ACOT7: variants seen among roughly 807,000 people sequenced by gnomAD.
ACOT7 encodes the protein acyl-CoA thioesterase 7.
A neutral mutation model predicts 40.2 loss-of-function variants in ACOT7; 12 were observed. That is an observed-to-expected ratio of 0.30 (90% CI 0.19 to 0.48). The LOEUF (loss-of-function observed/expected upper bound fraction) is 0.48, where lower values mean the gene tolerates loss of function less well. Ranked by LOEUF, ACOT7 falls within the 20% of genes least tolerant of loss-of-function variation. ACOT7 has a pLI of 0.99. For missense variants in ACOT7, 395 were observed against 530.8 expected, an observed-to-expected ratio of 0.74 and a Z score of 2.51; for synonymous variants, 228 against 219.5, an observed-to-expected ratio of 1.04 and a Z score of -0.34.
intron 1 of ACOT7, among the ~76,000 whole-genome samples, chr1:6,351,062 T>C (rs1641577569): frequency 2.0e-5 from 3 of 152,194 alleles, no homozygotes; most frequent in African/African-American, 7.2e-5. Context: ...TTTTGGTAAG[T>C]ATTTAGCCAA....
Position 6,311,905 on chromosome 1 carries a change from G to A in ACOT7, c.712+6587C>T, listed in dbSNP as rs1276067888. Among the ~76,000 whole-genome samples, 1 of 152,136 alleles carries A rather than the reference G, an allele frequency of 6.6e-6. No homozygotes were observed. The highest frequency in any genetic ancestry group is 1.5e-5 in the Non-Finnish European group (1 of 68,032). On this transcript the variant is annotated intron_variant, in intron 6 of 8. Coordinates refer to ENST00000361521, the MANE Select transcript of ACOT7 (RefSeq NM_007274.4). This position sits in a 1 kb window ranked among gnomAD's most constrained non-coding sequence, Gnocchi z 5.2. ...GGACACCCCTCACCCCGACTCCCAG[G>A]GTCTGGGTCACCTGTCGGGTGGGGT...
At chr1:6,344,609 C>A (rs1370786223) in intron 2 of ACOT7, among the ~76,000 whole-genome samples, 1 of 151,798 alleles carries the variant, frequency 6.6e-6, no homozygotes, top group East Asian at 1.9e-4. Flanking sequence ...ACTAAAAATA[C>A]AAAAACTAGC....
At chr1:6,285,131 G>T (rs1639466291) in intron 7 of ACOT7, among the ~76,000 whole-genome samples, 1 of 152,202 alleles carries the variant, frequency 6.6e-6, no homozygotes, top group Admixed American at 6.5e-5. Flanking sequence ...CCCAAAGCAG[G>T]TATCCAGTTG....
At chr1:6,323,737 A>T (rs375486877) in intron 5 of ACOT7, among the ~76,000 whole-genome samples, 2,815 of 36,972 alleles carry the variant, frequency 0.076, 85 homozygotes, top group Admixed American at 0.11. Context: ...AAAAAAAAAA[A>T]ATATATATAT....
chr1:6,330,773 A>T lies in ACOT7; in HGVS notation c.510+2704T>A, dbSNP rs1640933341. ...CCAAAAACCCAACAGCTCTTGGCGC[A>T]TCGATCCTAAGCGACAAGGCAGCAA... On this transcript the variant is annotated intron_variant, in intron 4 of 8. Coordinates refer to ENST00000361521, the MANE Select transcript of ACOT7 (RefSeq NM_007274.4). The surrounding 1 kb of genome is among the most constrained non-coding windows in gnomAD (Gnocchi z 4.6). 6.6e-6 allele frequency among the ~76,000 whole-genome samples: 1 copy of T among 152,172 alleles called. No homozygotes were observed. Among genetic ancestry groups the T allele is most frequent in the Non-Finnish European group, 1.5e-5 (1 of 68,026 alleles).
chr1:6,389,957 G>A (rs1367319821), intron 1 of ACOT7, among the ~76,000 whole-genome samples: 1 of 152,124 alleles, frequency 6.6e-6, no homozygotes, highest in East Asian at 1.9e-4. Context: ...TATGCTTCTT[G>A]GCAGTGTCCA....
At chr1:6,349,498 TGGAG>T (rs1641526775) in intron 2 of ACOT7, among the ~76,000 whole-genome samples, 1 of 152,138 alleles carries the variant, frequency 6.6e-6, no homozygotes, top group Admixed American at 6.5e-5. Context: ...CGGGGAGTGG[TGGAG>T]GGAGGGCCTG....
chr1:6,305,878 C>T (rs1490302885), intron 6 of ACOT7, among the ~76,000 whole-genome samples: 1 of 152,176 alleles, frequency 6.6e-6, no homozygotes, highest in African/African-American at 2.4e-5. Context: ...GATCACGCCA[C>T]TGCACTCCAG....
At chr1:6,310,966 G>C (rs1640314897) in intron 6 of ACOT7, among the ~76,000 whole-genome samples, 1 of 152,154 alleles carries the variant, frequency 6.6e-6, no homozygotes, top group Non-Finnish European at 1.5e-5. Context: ...TTGAACTCCT[G>C]ACCTCAAGTT....
At chr1:6,266,618 A>G (rs772721909) in intron 8 of ACOT7, among the ~76,000 whole-genome samples, 1 of 152,254 alleles carries the variant, frequency 6.6e-6, no homozygotes, top group Non-Finnish European at 1.5e-5. Flanking sequence ...GCACATCTGA[A>G]GTGGCCAAGA....
chr1:6,272,731 G>A (rs966438212), intron 8 of ACOT7, among the ~76,000 whole-genome samples: 8 of 152,196 alleles, frequency 5.3e-5, no homozygotes, highest in Non-Finnish European at 8.8e-5. Flanking sequence ...GCATGAACTC[G>A]CCCTGCTGAA....
At chr1:6,331,806 C>G (rs991228778) in intron 4 of ACOT7, among the ~76,000 whole-genome samples, 4 of 152,172 alleles carry the variant, frequency 2.6e-5, no homozygotes, top group Non-Finnish European at 5.9e-5. Flanking sequence ...CCACACCCAC[C>G]TGGGGAGACA....
At chr1:6,309,166 G>C (rs1640262029) in intron 6 of ACOT7, among the ~76,000 whole-genome samples, 2 of 152,212 alleles carry the variant, frequency 1.3e-5, no homozygotes, top group Non-Finnish European at 2.9e-5. Context: ...CCAGTTAAGG[G>C]GCTCAGTCAT....
intron 2 of ACOT7, among the ~76,000 whole-genome samples, chr1:6,340,404 A>T (rs761499919): frequency 6.6e-6 from 1 of 152,220 alleles, no homozygotes; most frequent in African/African-American, 2.4e-5. Flanking sequence ...ATTTTCTCAC[A>T]ATAGGCATGC....
intron 8 of ACOT7, among the ~76,000 whole-genome samples, chr1:6,267,515 C>G (rs1571252623): frequency 6.6e-6 from 1 of 152,242 alleles, no homozygotes. Flanking sequence ...TCTGGGCTCC[C>G]TCCCCAACTC....
intron 8 of ACOT7, among the ~76,000 whole-genome samples, chr1:6,279,001 G>A (rs1293250692): frequency 6.6e-6 from 1 of 152,226 alleles, no homozygotes; most frequent in Non-Finnish European, 1.5e-5. Context: ...TGGGTCAGGT[G>A]GGGGATTCAG....
chr1:6,331,493 C>T (rs1640954473), intron 4 of ACOT7, among the ~76,000 whole-genome samples: 2 of 152,234 alleles, frequency 1.3e-5, no homozygotes, highest in Non-Finnish European at 2.9e-5. Flanking sequence ...TACCTTTGCA[C>T]TTCTGGCCTC....
intron 5 of ACOT7, among the ~76,000 whole-genome samples, chr1:6,320,027 A>G (rs1313957624): frequency 6.6e-6 from 1 of 152,160 alleles, no homozygotes; most frequent in Non-Finnish European, 1.5e-5. Context: ...GCAAGAGAGG[A>G]TAGGGGAGGA....
intron 5 of ACOT7, among the ~76,000 whole-genome samples, chr1:6,319,949 G>T (rs1053889685): frequency 6.6e-6 from 1 of 152,174 alleles, no homozygotes; most frequent in Non-Finnish European, 1.5e-5. Context: ...TGATGTCTCT[G>T]GCCCTCTGGC....
Sources: gnomAD v4.1 joint callset for allele counts (sites outside exome capture counted in the v4.1 genomes callset) on GRCh38, gnomAD v4.1.1 for gene constraint, Gnocchi (gnomAD v3.1) non-coding constraint, MANE v1.5 for transcripts, NCBI Gene and HGNC (gene_info 2026-07-23, HGNC 2026-07-21) for gene names.